The following CDH4 variants were observed in gnomAD, a reference collection of about 807,000 sequenced individuals.
CDH4 encodes the protein cadherin 4.
In CDH4, 33 loss-of-function variants were observed where a neutral mutation model predicts 86.0. The ratio of observed to expected loss-of-function variants is 0.38; its 90% CI spans 0.29 to 0.51. The LOEUF is 0.51. Among genes scored for constraint, CDH4 ranks in the 20% least tolerant of loss-of-function variants. CDH4 has a pLI of 0.86. For missense variants in CDH4, 1,114 were observed against 1,307.4 expected, an observed-to-expected ratio of 0.85 and a Z score of 2.28; for synonymous variants, 555 against 549.4, an observed-to-expected ratio of 1.01 and a Z score of -0.14.
intron 2 of CDH4, among the ~76,000 whole-genome samples, chr20:61,458,523 C>T (rs1009047593): frequency 6.6e-6 from 1 of 151,502 alleles, no homozygotes; most frequent in Non-Finnish European, 1.5e-5. Flanking sequence ...ATGGTGATGA[C>T]AGTGCTGACA....
At chr20:61,840,442 C>A (rs1982108167) in intron 4 of CDH4, among the ~76,000 whole-genome samples, 1 of 152,236 alleles carries the variant, frequency 6.6e-6, no homozygotes, top group Non-Finnish European at 1.5e-5. Flanking sequence ...TCTGCCAGAA[C>A]GTTTCATGTC....
intron 2 of CDH4, chr20:61,434,938 CTG>C (rs1339607963): frequency 2.6e-5 from 4 of 152,124 alleles, no homozygotes; most frequent in African/African-American, 4.8e-5. Context: ...TTATTAATAA[CTG>C]TGTAAATTTG....
In CDH4 at chr20:61,510,865, G is replaced by A. The variant is rs368026371; in HGVS notation, c.170-232698G>A. 3.4e-4 allele frequency among the ~76,000 whole-genome samples: 52 copies of A among 151,806 alleles called. No homozygotes were observed. Among genetic ancestry groups the A allele is most frequent in the African/African-American group, 1.1e-3 (46 of 41,358 alleles). On this transcript the variant is annotated intron_variant, in intron 2 of 15. Transcript: ENST00000614565. The surrounding 1 kb of genome is among the most constrained non-coding windows in gnomAD (Gnocchi z 4.2). ...GTGCCAGCATCTGCTTAGCTTCTAG[G>A]GTGGCCTCAGGAAGCTGACAATGGT...
intron 4 of CDH4, among the ~76,000 whole-genome samples, chr20:61,782,025 A>G (rs555027841): frequency 6.6e-6 from 1 of 152,314 alleles, no homozygotes; most frequent in African/African-American, 2.4e-5. Context: ...ATGAAGGTGA[A>G]GCCGGGCATG....
Position 61,623,010 on chromosome 20 carries a change from C to T in CDH4, c.170-120553C>T, listed in dbSNP as rs6061677. Reference sequence around the variant, plus strand: ...GACAGTGGGATAGGCCTGTTACCAACATGGACCACAACCAGTCATTTAAGA... The same window carrying T: ...GACAGTGGGATAGGCCTGTTACCAATATGGACCACAACCAGTCATTTAAGA... On this transcript the variant is annotated intron_variant, in intron 2 of 15. Transcript: ENST00000614565. This position sits in a 1 kb window ranked among gnomAD's most constrained non-coding sequence, Gnocchi z 4.4. Among the ~76,000 whole-genome samples, 51,354 of 152,036 alleles carry T rather than the reference C, an allele frequency of 0.34. 8,727 individuals are homozygous for T. The highest frequency in any genetic ancestry group is 0.48 in the East Asian group (2,470 of 5,154).
chr20:61,764,585 G>A (rs1472344817), intron 3 of CDH4, among the ~76,000 whole-genome samples: 1 of 152,028 alleles, frequency 6.6e-6, no homozygotes, highest in African/African-American at 2.4e-5. Flanking sequence ...GGCCCCCCGA[G>A]CAGCCCACTG....
intron 2 of CDH4, among the ~76,000 whole-genome samples, chr20:61,612,281 T>C (rs1373541153): frequency 1.3e-5 from 2 of 152,172 alleles, no homozygotes; most frequent in African/African-American, 2.4e-5. Flanking sequence ...TACATCATTA[T>C]AACCTGTAGT....
chr20:61,844,703 G>A lies in CDH4; in HGVS notation c.612G>A (p.Arg204=), dbSNP rs1435034177. Residue 204 remains arginine (R), a synonymous_variant, in exon 5 of 16, where the codon CGG becomes CGA. Transcript: ENST00000614565. The stretch of plus-strand genomic sequence containing the variant: ...ACAAAGACAATGACATCCCCATCCG[G>A]TACAGCATCACGGGAGTGGGCGCCG... The part of the protein sequence containing the change: ...RSDKDNDIPI[R]YSITGVGADQ... 4 of 1,613,714 alleles carry A rather than the reference G, an allele frequency of 2.5e-6. No homozygotes were observed. The African/African-American group carries it at 5.3e-5, about 22-fold the overall frequency.
At chr20:61,352,069 C>CTGT (rs572415922) in intron 2 of CDH4, among the ~76,000 whole-genome samples, 291 of 152,198 alleles carry the variant, frequency 1.9e-3, no homozygotes, top group Non-Finnish European at 3.0e-3. Context: ...TACAGTCACC[C>CTGT]TGTTGTGCTA....
At chr20:61,797,673 G>A (rs1392195940) in intron 4 of CDH4, among the ~76,000 whole-genome samples, 1 of 152,188 alleles carries the variant, frequency 6.6e-6, no homozygotes. Flanking sequence ...TGTAGTCCCA[G>A]CTCCTCGGGA....
At chr20:61,413,312 A>G (rs1405809671) in intron 2 of CDH4, among the ~76,000 whole-genome samples, 1 of 151,724 alleles carries the variant, frequency 6.6e-6, no homozygotes, top group Non-Finnish European at 1.5e-5. Context: ...AGCTTCCAGC[A>G]TGGCTTTTGG....
chr20:61,836,082 G>T (rs745371503), intron 4 of CDH4, among the ~76,000 whole-genome samples: 32 of 152,236 alleles, frequency 2.1e-4, no homozygotes, highest in Non-Finnish European at 4.0e-4. Context: ...TTTCCACACT[G>T]GACTCATTCT....
Position 61,648,026 on chromosome 20 carries a change from G to A in CDH4, c.170-95537G>A, listed in dbSNP as rs143573995. 5.5e-3 allele frequency among the ~76,000 whole-genome samples: 837 copies of A among 152,288 alleles called. 11 individuals carry two copies. Among genetic ancestry groups the A allele is most frequent in the African/African-American group, 0.019 (786 of 41,552 alleles). ...TGGGTGCCAGGACAGAAGAGGAGACGCTTCCCAATTAGGGGCACGACTCAC... is the reference window on the plus strand; with the variant it reads ...TGGGTGCCAGGACAGAAGAGGAGACACTTCCCAATTAGGGGCACGACTCAC... On this transcript the variant is annotated intron_variant, in intron 2 of 15. Coordinates refer to ENST00000614565, the MANE Select transcript of CDH4 (RefSeq NM_001794.5).
intron 2 of CDH4, among the ~76,000 whole-genome samples, chr20:61,618,324 G>C (rs565218221): frequency 6.6e-6 from 1 of 152,278 alleles, no homozygotes; most frequent in South Asian, 2.1e-4. Context: ...TCCTGGCTGG[G>C]AGCGTTGTTT....
In CDH4 at chr20:61,479,239, T is replaced by C. The variant is rs533970885; in HGVS notation, c.169+224302T>C. 8.5e-5 allele frequency among the ~76,000 whole-genome samples: 13 copies of C among 152,250 alleles called. 1 individual carries two copies. The South Asian group carries it at 2.7e-3, about 32-fold the overall frequency. ...TAAATACTTTAAGTTCTAGGGTACATGTGCACAACATGCAGGTTTGTTACA... is the reference window on the plus strand; with the variant it reads ...TAAATACTTTAAGTTCTAGGGTACACGTGCACAACATGCAGGTTTGTTACA... On this transcript the variant is annotated intron_variant, in intron 2 of 15. Coordinates refer to ENST00000614565, the MANE Select transcript of CDH4 (RefSeq NM_001794.5).
At chr20:61,475,533 C>CCCCA (rs1334870561) in intron 2 of CDH4, among the ~76,000 whole-genome samples, 1 of 772 alleles carries the variant, frequency 1.3e-3, no homozygotes, top group Admixed American at 0.013. Context: ...CCCCTGCCCG[C>CCCCA]CCCTCCCTCT....
intron 2 of CDH4, among the ~76,000 whole-genome samples, chr20:61,556,212 T>C (rs1315793856): frequency 6.6e-6 from 1 of 152,110 alleles, no homozygotes; most frequent in Non-Finnish European, 1.5e-5. Flanking sequence ...TTCTAGAAAA[T>C]CTATCCACCC....
chr20:61,447,198 T>A lies in CDH4; in HGVS notation c.169+192261T>A, dbSNP rs6062082. Among the ~76,000 whole-genome samples, 436 of 152,260 alleles carry A rather than the reference T, an allele frequency of 2.9e-3. 3 individuals are homozygous for A. Among genetic ancestry groups the A allele is most frequent in the Middle Eastern group, 0.01 (3 of 294 alleles). ...TTGAGACGGAGTCTCACTCTGTCACTCAGGCTGGTGTGCGGTGGTGCGATC... is the reference window on the plus strand; with the variant it reads ...TTGAGACGGAGTCTCACTCTGTCACACAGGCTGGTGTGCGGTGGTGCGATC... On this transcript the variant is annotated intron_variant, in intron 2 of 15. Coordinates refer to ENST00000614565, the MANE Select transcript of CDH4 (RefSeq NM_001794.5).
At chr20:61,363,417 T>C (rs2084794984) in intron 2 of CDH4, among the ~76,000 whole-genome samples, 2 of 151,930 alleles carry the variant, frequency 1.3e-5, no homozygotes, top group African/African-American at 4.8e-5. Context: ...AATATCTCTC[T>C]CTCTCTCTCT....
Sources: gnomAD v4.1 joint callset for allele counts (sites outside exome capture counted in the v4.1 genomes callset) on GRCh38, gnomAD v4.1.1 for gene constraint, Gnocchi (gnomAD v3.1) non-coding constraint, MANE v1.5 for transcripts, NCBI Gene and HGNC (gene_info 2026-07-23, HGNC 2026-07-21) for gene names.